ZC3H14: variants seen among roughly 807,000 people sequenced by gnomAD.
ZC3H14 encodes the protein zinc finger CCCH domain-containing protein 14.
A neutral mutation model predicts 92.4 loss-of-function variants in ZC3H14; 31 were observed. The observed-to-expected ratio is 0.34, with a 90% CI of 0.25 to 0.45. The LOEUF is 0.45. ZC3H14 is among the 20% of genes least tolerant of loss of function. The probability of loss-of-function intolerance (pLI) is 1.00; values close to 1 mark genes in which losing one functional copy is unlikely to be tolerated. For synonymous variants in ZC3H14, 321 were observed against 300.9 expected (o/e 1.07, Z -0.69); for missense variants, 781 against 897.3 (o/e 0.87, Z 1.66).
At chr14:88,594,108 A>T (rs2083489243) in intron 9 of ZC3H14, among the ~76,000 whole-genome samples, 1 of 152,154 alleles carries the variant, frequency 6.6e-6, no homozygotes, top group Non-Finnish European at 1.5e-5. Context: ...CTTTCCCTCC[A>T]GAGGATTTGT....
chr14:88,624,978 C>T lies in ZC3H14; in HGVS notation c.*13227C>T, dbSNP rs755992465. The T allele has an allele frequency of 2.5e-6, 4 of 1,613,266 alleles. No individual in the cohort carries two copies. In the African/African-American group the frequency reaches 5.3e-5, roughly 22 times the overall value. On this transcript the variant is annotated 3_prime_UTR_variant, in exon 17 of 17. Coordinates refer to ENST00000251038, the MANE Select transcript of ZC3H14 (RefSeq NM_024824.5). ...AAAGAAAGAGGACTCACGGCCTTTC[C>T]TTTCCCCCAGTCACGATAAGTCCAT... is the stretch of plus-strand genomic sequence containing the variant.
intron 9 of ZC3H14, among the ~76,000 whole-genome samples, chr14:88,588,528 A>G (rs1440544899): frequency 6.6e-6 from 1 of 151,444 alleles, no homozygotes; most frequent in African/African-American, 2.4e-5. Flanking sequence ...ATCTTATTCC[A>G]TTGTGTAATA....
At position 88,618,641 on chromosome 14, in the gene ZC3H14, G is replaced by T; in HGVS notation, c.*6890G>T. On this transcript the variant is annotated 3_prime_UTR_variant, in exon 17 of 17. Transcript: ENST00000251038. The stretch of plus-strand genomic sequence containing the variant: ...CTTGCCACCTGGGTATACAGTATTG[G>T]TACTGTACCTGGAGATAACTGCTAT... The T allele has an allele frequency of 6.2e-7, 1 of 1,611,144 alleles. No homozygotes were observed. Among genetic ancestry groups the T allele is most frequent in the Non-Finnish European group, 8.5e-7 (1 of 1,178,634 alleles).
intron 10 of ZC3H14, among the ~76,000 whole-genome samples, chr14:88,600,176 C>T (rs1566963089): frequency 2.0e-5 from 3 of 152,238 alleles, no homozygotes; most frequent in Admixed American, 1.3e-4. Flanking sequence ...TCCCAGCTTT[C>T]TCTTCCGCCT....
chr14:88,563,814 C>G, intron 2 of ZC3H14, 121 bp downstream of exon 2: 1 of 949,308 alleles, frequency 1.1e-6, no homozygotes, highest in Admixed American at 1.9e-5. Context: ...CTACCTTCTT[C>G]AAATCTTATA....
intron 9 of ZC3H14, among the ~76,000 whole-genome samples, chr14:88,581,434 G>A (rs888555976): frequency 6.6e-6 from 1 of 152,138 alleles, no homozygotes; most frequent in African/African-American, 2.4e-5. Context: ...TGTGGTGTGC[G>A]CCTGTAGTCC....
Position 88,615,787 on chromosome 14 carries a change from A to G in ZC3H14, c.*4036A>G, listed in dbSNP as rs2087508794. On this transcript the variant is annotated 3_prime_UTR_variant, in exon 17 of 17. Coordinates refer to ENST00000251038, the MANE Select transcript of ZC3H14 (RefSeq NM_024824.5). ...TTTCTTCTCTGTAATTCTGGTCTCAAAGTTAATTTCTGTAGTCATCTCAGC... is the reference window on the plus strand; with the variant it reads ...TTTCTTCTCTGTAATTCTGGTCTCAGAGTTAATTTCTGTAGTCATCTCAGC... The G allele has an allele frequency of 5.6e-6, 9 of 1,604,102 alleles. No homozygotes were observed. The highest frequency in any genetic ancestry group is 7.7e-6 in the Non-Finnish European group (9 of 1,175,268).
chr14:88,585,274 T>C (rs2082337776), intron 9 of ZC3H14, among the ~76,000 whole-genome samples: 1 of 152,212 alleles, frequency 6.6e-6, no homozygotes, highest in Non-Finnish European at 1.5e-5. Context: ...CTTTTCTGTT[T>C]TTTCTCATGT....
Position 88,609,486 on chromosome 14 carries a change from A to C in ZC3H14, c.2005+83A>C. ...ACTGTAAATGGAATTGAACAAACAA[A>C]AGATGGTTTCAGAAATAATTTTGGC... On this transcript the variant is annotated intron_variant, in intron 14 of 16. Transcript: ENST00000251038. 4 of 1,602,798 alleles carry C rather than the reference A, an allele frequency of 2.5e-6. 1 individual carries two copies. The South Asian group carries it at 4.4e-5, about 18-fold the overall frequency.
At chr14:88,593,278 C>G (rs1376441284) in intron 9 of ZC3H14, among the ~76,000 whole-genome samples, 1 of 152,120 alleles carries the variant, frequency 6.6e-6, no homozygotes, top group African/African-American at 2.4e-5. Flanking sequence ...GATGTCTTTA[C>G]TATTCTTAAG....
In ZC3H14 at chr14:88,614,234, TGTAAATACA is replaced by T. The variant is rs1453631626; in HGVS notation, c.*2484_*2492del. Reference sequence around the variant, plus strand: ...TTCCTCCTTTAATTTATTGACTGACTGTAAATACATGAGTAGAAACTTAATAGTCATGTA... The same window carrying T: ...TTCCTCCTTTAATTTATTGACTGACTTGAGTAGAAACTTAATAGTCATGTA... On this transcript the variant is annotated 3_prime_UTR_variant, in exon 17 of 17. Coordinates refer to ENST00000251038, the MANE Select transcript of ZC3H14 (RefSeq NM_024824.5). 1 of 152,222 alleles carries T rather than the reference TGTAAATACA, an allele frequency of 6.6e-6. No homozygotes were observed. The highest frequency in any genetic ancestry group is 1.9e-4 in the East Asian group (1 of 5,202). 9.4% of individuals were successfully genotyped at this position (152,222 alleles called of 1,614,324 possible).
chr14:88,578,756 C>T (rs1165890228), intron 9 of ZC3H14, among the ~76,000 whole-genome samples: 1 of 147,314 alleles, frequency 6.8e-6, no homozygotes, highest in Non-Finnish European at 1.5e-5. Context: ...CCCCTCGTGC[C>T]TAACATACTT....
chr14:88,569,692 A>G (rs2080147330), intron 3 of ZC3H14, among the ~76,000 whole-genome samples: 1 of 152,228 alleles, frequency 6.6e-6, no homozygotes, highest in Non-Finnish European at 1.5e-5. Flanking sequence ...AAGAGGAGGC[A>G]CTGAGTGGGG....
In ZC3H14 at chr14:88,625,200, T is replaced by C. The variant is rs1672204972; in HGVS notation, c.*13449T>C. The C allele has an allele frequency of 1.3e-6, 2 of 1,532,460 alleles. No homozygotes were observed. Among genetic ancestry groups the C allele is most frequent in the Admixed American group, 1.8e-5 (1 of 54,584 alleles). The allele number at this position is 1,532,460 out of a possible 1,614,324, so 94.9% of individuals were successfully genotyped here. A position where few individuals can be genotyped will look rare whatever the true frequency, so the allele number is the denominator to read the frequency against. On this transcript the variant is annotated 3_prime_UTR_variant, in exon 17 of 17. Transcript: ENST00000251038. ...TAGAGTTTAAATAGATAATTTTCTATGTATGTGTAATGCTGTCTCACCCTT... is the reference window on the plus strand; with the variant it reads ...TAGAGTTTAAATAGATAATTTTCTACGTATGTGTAATGCTGTCTCACCCTT...
At position 88,593,671 on chromosome 14, in the gene ZC3H14, A is replaced by C. The variant is rs369041445; in HGVS notation, c.1280-3063A>C. Among the ~76,000 whole-genome samples, 4 of 152,212 alleles carry C rather than the reference A, an allele frequency of 2.6e-5. No individual in the cohort carries two copies. The South Asian group carries it at 6.2e-4, about 24-fold the overall frequency. ...GTGATGCTGGGACAACTGAATATCC[A>C]CATGAAAAGAATGAAGTTGGAACCT... is the stretch of plus-strand genomic sequence containing the variant. On this transcript the variant is annotated intron_variant, in intron 9 of 16. Transcript: ENST00000251038.
chr14:88,576,419 C>A (rs1170043219), intron 8 of ZC3H14, among the ~76,000 whole-genome samples: 4 of 152,230 alleles, frequency 2.6e-5, no homozygotes, highest in Non-Finnish European at 4.4e-5. Flanking sequence ...AGAATTGACT[C>A]ATTTGTGATG....
intron 9 of ZC3H14, chr14:88,591,494 T>A (rs1453483668): frequency 6.6e-6 from 1 of 152,154 alleles, no homozygotes; most frequent in African/African-American, 2.4e-5. Context: ...GAGATGTAGA[T>A]ATTAAGTTCT....
chr14:88,588,098 T>C (rs1302472699), intron 9 of ZC3H14, among the ~76,000 whole-genome samples: 1 of 152,120 alleles, frequency 6.6e-6, no homozygotes, highest in Non-Finnish European at 1.5e-5. Context: ...TGCCTACCTG[T>C]ACTGTAGCCT....
intron 2 of ZC3H14, among the ~76,000 whole-genome samples, chr14:88,566,771 T>A (rs1246666689): frequency 1.3e-5 from 2 of 151,912 alleles, no homozygotes; most frequent in African/African-American, 2.4e-5. Flanking sequence ...AATACAAACA[T>A]TAGCTGGGTG....
Sources: gnomAD v4.1 joint callset for allele counts (sites outside exome capture counted in the v4.1 genomes callset) on GRCh38, gnomAD v4.1.1 for gene constraint, MANE v1.5 for transcripts, NCBI Gene and HGNC (gene_info 2026-07-23, HGNC 2026-07-21) for gene names.